The following CSNK1G3 variants were observed in gnomAD, a reference collection of about 807,000 sequenced individuals.
The protein encoded by CSNK1G3 is casein kinase 1 gamma 3.
Under a neutral mutation model 64.3 loss-of-function variants are expected in CSNK1G3, and 23 were observed. The observed-to-expected ratio is 0.36, with a 90% CI of 0.26 to 0.51. The LOEUF is 0.51. Among genes scored for constraint, CSNK1G3 ranks in the 20% least tolerant of loss-of-function variants. CSNK1G3 has a pLI of 0.96. For missense variants in CSNK1G3, 357 were observed against 510.5 expected (o/e 0.70, Z 2.90); for synonymous variants, 158 against 162.2 (o/e 0.97, Z 0.20).
intron 1 of CSNK1G3, among the ~76,000 whole-genome samples, chr5:123,539,672 A>G (rs990438871): frequency 1.3e-5 from 2 of 152,118 alleles, no homozygotes; most frequent in Non-Finnish European, 2.9e-5. Context: ...AGGCTTTTGT[A>G]TTAGGATTGT....
chr5:123,553,851 C>G (rs1408226198), intron 3 of CSNK1G3, among the ~76,000 whole-genome samples: 3 of 152,164 alleles, frequency 2.0e-5, no homozygotes, highest in Admixed American at 6.5e-5. Context: ...ATCCTTAGGT[C>G]CTATTGTTTA....
chr5:123,519,857 C>T (rs1018068718), intron 1 of CSNK1G3, among the ~76,000 whole-genome samples: 3 of 152,176 alleles, frequency 2.0e-5, no homozygotes, highest in Admixed American at 1.3e-4. Flanking sequence ...GTGGAGTGCT[C>T]TTTCTGAGTA....
chr5:123,614,224 C>A, intron 12 of CSNK1G3, 118 bp from the exon 14 acceptor site: 2 of 823,122 alleles, frequency 2.4e-6, no homozygotes, highest in South Asian at 1.9e-5. Context: ...TTGGTGTAAT[C>A]ACTGTTTATC....
chr5:123,554,749 G>A (rs562549516), intron 3 of CSNK1G3, among the ~76,000 whole-genome samples: 2 of 152,330 alleles, frequency 1.3e-5, no homozygotes, highest in African/African-American at 4.8e-5. Context: ...TAAAAGTGTG[G>A]CAGTGTTTAC....
At chr5:123,560,238 G>C (rs185203086) in intron 4 of CSNK1G3, among the ~76,000 whole-genome samples, 1 of 152,134 alleles carries the variant, frequency 6.6e-6, no homozygotes, top group Admixed American at 6.5e-5. Context: ...GTGTTAGTAT[G>C]GATATGGAGA....
intron 6 of CSNK1G3, 41 bp downstream of exon 6, chr5:123,576,004 A>G: frequency 7.5e-7 from 1 of 1,334,434 alleles, no homozygotes; most frequent in Non-Finnish European, 1.1e-6. Flanking sequence ...TGAACTTAGC[A>G]GCTGTGCTAA....
At chr5:123,599,694 A>G (rs1794100778) in intron 10 of CSNK1G3, among the ~76,000 whole-genome samples, 1 of 152,166 alleles carries the variant, frequency 6.6e-6, no homozygotes, top group South Asian at 2.1e-4. Flanking sequence ...GACTATTACA[A>G]TCACATCTTT....
chr5:123,537,090 C>G (rs1312125933), intron 1 of CSNK1G3, among the ~76,000 whole-genome samples: 1 of 152,130 alleles, frequency 6.6e-6, no homozygotes. Context: ...TACTGGGTAT[C>G]TACCCAAAGG....
chr5:123,524,880 G>T (rs750157207), intron 1 of CSNK1G3, among the ~76,000 whole-genome samples: 3 of 152,122 alleles, frequency 2.0e-5, no homozygotes, highest in Non-Finnish European at 4.4e-5. Context: ...TAATGGGTGG[G>T]GGGGAGCACT....
chr5:123,573,620 T>A, intron 5 of CSNK1G3, 79 bp downstream of exon 5: 2 of 1,277,240 alleles, frequency 1.6e-6, no homozygotes, highest in South Asian at 3.0e-5. Context: ...AAGTTTAAAG[T>A]TCTGTGATAT....
chr5:123,603,084 A>G (rs1794764118), intron 10 of CSNK1G3, among the ~76,000 whole-genome samples: 1 of 152,104 alleles, frequency 6.6e-6, no homozygotes, highest in Non-Finnish European at 1.5e-5. Context: ...GCTAGCGCCA[A>G]GTGATTTGAT....
At chr5:123,559,169 G>A (rs141472130) in intron 4 of CSNK1G3, among the ~76,000 whole-genome samples, 88 of 152,010 alleles carry the variant, frequency 5.8e-4, no homozygotes, top group African/African-American at 1.8e-3. Context: ...ATGCTTATCC[G>A]AACTTTAGAG....
At chr5:123,570,346 C>CTTTTTTTTTTTTTTTTT in intron 4 of CSNK1G3, among the ~76,000 whole-genome samples, 1 of 130,550 alleles carries the variant, frequency 7.7e-6, no homozygotes, top group Non-Finnish European at 1.6e-5. Flanking sequence ...ACAGTCCTTT[C>CTTTTTTTTTTTTTTTTT]TTTTTTTTTT....
chr5:123,531,235 A>G (rs1166038052), intron 1 of CSNK1G3, among the ~76,000 whole-genome samples: 1 of 152,124 alleles, frequency 6.6e-6, no homozygotes, highest in Non-Finnish European at 1.5e-5. Flanking sequence ...AACATGCTAA[A>G]TATGAAAATA....
chr5:123,522,451 C>T (rs879267142), intron 1 of CSNK1G3, among the ~76,000 whole-genome samples: 7 of 149,534 alleles, frequency 4.7e-5, no homozygotes, highest in Admixed American at 6.7e-5. Flanking sequence ...TGCAGTGAGC[C>T]GAGATGACAC....
At chr5:123,563,716 T>G (rs1482985813) in intron 4 of CSNK1G3, among the ~76,000 whole-genome samples, 6 of 152,092 alleles carry the variant, frequency 3.9e-5, no homozygotes, top group Non-Finnish European at 8.8e-5. Context: ...CAGATCAAGT[T>G]TCTCAGACCA....
intron 2 of CSNK1G3, 89 bp downstream of exon 2, chr5:123,545,930 G>A (rs1782446806): frequency 1.8e-6 from 2 of 1,081,814 alleles, no homozygotes; most frequent in Non-Finnish European, 2.7e-6. Flanking sequence ...TTATTTAATT[G>A]TTTAGTTGTT....
Position 123,534,895 on chromosome 5 carries a change from T to G in CSNK1G3, c.-247-10522T>G, listed in dbSNP as rs537555923. Among the ~76,000 whole-genome samples, 21 of 152,268 alleles carry G rather than the reference T, an allele frequency of 1.4e-4. No individual in the cohort carries two copies. In the South Asian group the frequency reaches 3.7e-3, roughly 27 times the overall value. ...TAGAAAACTAATACATTTGGTCATG[T>G]CCAAGTGTGTTGTGTTGTTCAGCAT... On this transcript the variant is annotated intron_variant, in intron 1 of 12. Coordinates refer to ENST00000345990, the Ensembl canonical transcript of CSNK1G3.
intron 4 of CSNK1G3, among the ~76,000 whole-genome samples, chr5:123,565,240 T>C (rs191452335): frequency 6.6e-6 from 1 of 152,298 alleles, no homozygotes; most frequent in Admixed American, 6.5e-5. Context: ...TCCCATAGTC[T>C]CTGGAATGAG....
Sources: gnomAD v4.1 joint callset for allele counts (sites outside exome capture counted in the v4.1 genomes callset) on GRCh38, gnomAD v4.1.1 for gene constraint, MANE v1.5 for transcripts, NCBI Gene and HGNC (gene_info 2026-07-23, HGNC 2026-07-21) for gene names.